Variants in DNAH12 observed in about 807,000 individuals in gnomAD.
DNAH12 encodes dynein axonemal heavy chain 12, also known as axonemal beta dynein heavy chain 12.
DNAH12 carries 285 observed loss-of-function variants against 371.5 expected under a neutral mutation model. That is an observed-to-expected ratio of 0.77 (90% CI 0.70 to 0.85). The LOEUF is 0.85. Ranked by LOEUF, DNAH12 falls within the 40% of genes least tolerant of loss-of-function variation. DNAH12 has a pLI of 0.00. For synonymous variants in DNAH12, 1,200 were observed against 1,213.0 expected (o/e 0.99, Z 0.22); for missense variants, 3,611 against 3,689.4 (o/e 0.98, Z 0.55).
chr3:57,323,189 G>C lies in DNAH12; in HGVS notation c.10201C>G (p.Gln3401Glu), dbSNP rs1409811186. The C allele has an allele frequency of 6.4e-7, 1 of 1,552,220 alleles. No individual in the cohort carries two copies. The highest frequency in any genetic ancestry group is 8.7e-7 in the Non-Finnish European group (1 of 1,147,156). ...KFQAISLGQG[Q>E]GPIAAKMIKA... ...ATCATTTTTGCTGCAATCGGTCCTT[G>C]TCCCTGTCCCAGTGAAATAGCTTGA... The change falls in exon 64 of 74, where the codon CAA becomes GAA. Residue 3401 changes from glutamine to glutamate, a missense_variant. This residue lies in a region of DNAH12 where 2,266 missense variants were observed against 2,236.9 expected (regional missense o/e 1.01). Coordinates refer to ENST00000495027, the MANE Select transcript of DNAH12 (RefSeq NM_001366028.2).
chr3:57,322,617 TC>T, intron 64 of DNAH12, 134 bp from the exon 65 acceptor site: 1 of 1,098,516 alleles, frequency 9.1e-7, no homozygotes, highest in East Asian at 2.7e-5. Flanking sequence ...AGGTTAAGCA[TC>T]TGAGGCTTGA....
Position 57,421,657 on chromosome 3 carries a change from G to T in DNAH12, c.5423C>A (p.Thr1808Lys). The T allele has an allele frequency of 6.4e-7, 1 of 1,551,606 alleles. No individual in the cohort carries two copies. Among genetic ancestry groups the T allele is most frequent in the Non-Finnish European group, 8.7e-7 (1 of 1,146,976 alleles). ...AGTATCAAAAACACGACGGCCATCT[G>T]TATCACAACTTCCTCCAATCGACCA... ...LIWSIGGSCD[T>K]DGRRVFDTFI... is the part of the protein sequence containing the mutation. The change falls in exon 36 of 74, where the codon ACA (threonine) becomes AAA (lysine). Residue 1808 changes from threonine (T) to lysine (K), a missense_variant. This residue lies in a region of DNAH12 where 2,266 missense variants were observed against 2,236.9 expected (regional missense o/e 1.01). Coordinates refer to ENST00000495027, the MANE Select transcript of DNAH12 (RefSeq NM_001366028.2).
chr3:57,402,268 G>T, intron 43 of DNAH12: 1 of 646,398 alleles, frequency 1.5e-6, no homozygotes, highest in Non-Finnish European at 2.3e-6. Flanking sequence ...GAAATTGTTT[G>T]TGAAAGGTCA....
At chr3:57,341,896 T>C (rs1277736474) in intron 60 of DNAH12, among the ~76,000 whole-genome samples, 4 of 152,170 alleles carry the variant, frequency 2.6e-5, no homozygotes, top group Non-Finnish European at 5.9e-5. Context: ...GAAAACAGCA[T>C]GGTACTGGCA....
At chr3:57,455,189 C>T (rs530501393) in intron 22 of DNAH12, among the ~76,000 whole-genome samples, 2 of 152,074 alleles carry the variant, frequency 1.3e-5, no homozygotes, top group African/African-American at 4.8e-5. Context: ...TGTTCCTTTG[C>T]TGTGGAGAGT....
At chr3:57,496,718 C>T (rs2067334856) in intron 11 of DNAH12, among the ~76,000 whole-genome samples, 2 of 152,142 alleles carry the variant, frequency 1.3e-5, no homozygotes, top group Admixed American at 1.3e-4. Flanking sequence ...CCTGTAATCC[C>T]AGTACTTCGG....
chr3:57,303,110 C>A (rs776624064), intron 69 of DNAH12, among the ~76,000 whole-genome samples: 1 of 151,458 alleles, frequency 6.6e-6, no homozygotes, highest in East Asian at 2.0e-4. Context: ...GAGGCCGACG[C>A]GGGTGCATCA....
chr3:57,408,402 A>G lies in DNAH12; in HGVS notation c.6154T>C (p.Ser2052Pro). Residue 2052 changes from serine to proline, a missense_variant, in exon 40 of 74, where the codon TCT (serine) becomes CCT (proline). Ser to Pro is a moderately conservative substitution (Grantham distance 74). Around this residue, in one of 3 missense-constraint regions of DNAH12, gnomAD observed 2,266 missense variants for 2,236.9 expected, o/e 1.01. Coordinates refer to ENST00000495027, the MANE Select transcript of DNAH12 (RefSeq NM_001366028.2). ...CGGACCATAGTTTCATCACTAAAAG[A>G]ATTAATACTGCAGATGTTGAAATGT... ...IRHFNICSIN[S>P]FSDETMVRIF... is the part of the protein sequence containing the mutation. 1 of 1,551,614 alleles carries G rather than the reference A, an allele frequency of 6.4e-7. No homozygotes were observed. The highest frequency in any genetic ancestry group is 8.7e-7 in the Non-Finnish European group (1 of 1,146,926).
At chr3:57,553,009 T>A in the DNAH12 span, among the ~76,000 whole-genome samples, 14 of 152,156 alleles carry the variant, frequency 9.2e-5, no homozygotes, top group South Asian at 2.9e-3. Context: ...AAACCCTGTC[T>A]CTACTAAAAA....
chr3:57,462,172 G>A (rs1209042619), intron 18 of DNAH12, among the ~76,000 whole-genome samples: 1 of 152,214 alleles, frequency 6.6e-6, no homozygotes, highest in Non-Finnish European at 1.5e-5. Context: ...GAATTAAGAG[G>A]AGATCAAAGG....
intron 43 of DNAH12, among the ~76,000 whole-genome samples, chr3:57,396,049 C>A (rs1157053074): frequency 6.6e-6 from 1 of 151,844 alleles, no homozygotes; most frequent in African/African-American, 2.4e-5. Context: ...GAGACTGAGG[C>A]AGGTGGATCA....
intron 29 of DNAH12, among the ~76,000 whole-genome samples, chr3:57,440,440 T>C (rs2065266325): frequency 6.6e-6 from 1 of 152,166 alleles, no homozygotes; most frequent in Admixed American, 6.5e-5. Context: ...AACCAAATAC[T>C]GCATGTTCTC....
chr3:57,354,171 A>G (rs2062744343), intron 59 of DNAH12, among the ~76,000 whole-genome samples: 1 of 152,226 alleles, frequency 6.6e-6, no homozygotes, highest in African/African-American at 2.4e-5. Context: ...CAGATACACC[A>G]TGGAATACAA....
At chr3:57,404,938 A>C in intron 42 of DNAH12, 31 bp downstream of exon 42, 1 of 1,440,558 alleles carries the variant, frequency 6.9e-7, no homozygotes, top group Non-Finnish European at 9.1e-7. Flanking sequence ...TACAGATAGC[A>C]ATTTCAAGCA....
intron 43 of DNAH12, chr3:57,402,286 T>C: frequency 3.7e-6 from 3 of 821,848 alleles, no homozygotes; most frequent in Non-Finnish European, 5.1e-6. Flanking sequence ...TCAGTGAAAG[T>C]GAAAGAAGTC....
rs1320986647 is a variant in DNAH12, at chr3:57,379,800, C to T, written c.8082+478G>A. Among the ~76,000 whole-genome samples, 6 of 130,240 alleles carry T rather than the reference C, an allele frequency of 4.6e-5. No individual in the cohort carries two copies. In the South Asian group the frequency reaches 1.5e-3, roughly 32 times the overall value. The allele number at this position is 130,240 out of a possible 152,430, so 85.4% of individuals were successfully genotyped here. A position where few individuals can be genotyped will look rare whatever the true frequency, so the allele number is the denominator to read the frequency against. ...AGGTTGCAGTGAGCCAAGATCCCGC[C>T]ACTGCACTCCAGCCTGGGTGACAGA... On this transcript the variant is annotated intron_variant, in intron 51 of 73. Coordinates refer to ENST00000495027, the MANE Select transcript of DNAH12 (RefSeq NM_001366028.2).
chr3:57,301,265 CAAAAAAAAAAAAAAAAAA>C (rs71088054), intron 70 of DNAH12, among the ~76,000 whole-genome samples: 8 of 43,000 alleles, frequency 1.9e-4, no homozygotes, highest in South Asian at 1.1e-3. Flanking sequence ...GACCCTGTCT[CAAAAAAAAAAAAAAAAAA>C]AAAAAAAAAA....
At chr3:57,448,349 T>C (rs1248780256) in intron 25 of DNAH12, among the ~76,000 whole-genome samples, 6 of 152,024 alleles carry the variant, frequency 3.9e-5, no homozygotes, top group Non-Finnish European at 5.9e-5. Context: ...TCTGGACTTG[T>C]TCATTCCTCC....
intron 15 of DNAH12, 86 bp from the exon 16 acceptor site, chr3:57,470,722 C>T: frequency 8.8e-7 from 1 of 1,136,404 alleles, no homozygotes; most frequent in Non-Finnish European, 1.2e-6. Context: ...ACAATATGTC[C>T]TTGTATTTAT....
Sources: allele counts gnomAD v4.1 joint callset (sites outside exome capture counted in the v4.1 genomes callset), GRCh38; gene constraint gnomAD v4.1.1; regional missense constraint gnomAD v4.1.1; transcripts MANE v1.5; gene names NCBI Gene and HGNC (gene_info 2026-07-23, HGNC 2026-07-21).